Variants in CRMP1 observed in about 807,000 individuals in gnomAD.
CRMP1 encodes the protein collapsin response mediator protein 1.
Under a neutral mutation model 68.3 loss-of-function variants are expected in CRMP1, and 19 were observed. The ratio of observed to expected loss-of-function variants is 0.28; its 90% CI spans 0.19 to 0.41. The LOEUF (loss-of-function observed/expected upper bound fraction) is 0.41, where lower values mean the gene tolerates loss of function less well. CRMP1 is among the 10% of genes least tolerant of loss of function. CRMP1 has a pLI of 1.00. For missense variants in CRMP1, 791 were observed against 967.4 expected, an observed-to-expected ratio of 0.82 and a Z score of 2.42; for synonymous variants, 439 against 399.6, an observed-to-expected ratio of 1.10 and a Z score of -1.18.
Position 5,832,266 on chromosome 4 carries a change from T to A in CRMP1, c.1624-3598A>T, listed in dbSNP as rs181904195. Among the ~76,000 whole-genome samples the A allele has an allele frequency of 1.7e-3, 258 of 152,338 alleles. 2 individuals are homozygous for A. The highest frequency in any genetic ancestry group is 5.7e-3 in the African/African-American group (236 of 41,592). On this transcript the variant is annotated intron_variant, in intron 11 of 13. Transcript: ENST00000324989. ...TTATGATTGTACAACCTTCTCAATA[T>A]ACTAAAAGCCACTGAATTGTACACT... is the stretch of plus-strand genomic sequence containing the variant.
rs1334252538 is a variant in CRMP1 at position 5,834,373 on chromosome 4, A to T, written c.1623+1542T>A. Among the ~76,000 whole-genome samples the T allele has an allele frequency of 2.0e-4, 31 of 152,178 alleles. No individual in the cohort carries two copies. Among genetic ancestry groups the T allele is most frequent in the Admixed American group, 2.0e-3 (31 of 15,284 alleles). On this transcript the variant is annotated intron_variant, in intron 11 of 13. Transcript: ENST00000324989. The surrounding 1 kb of genome is among the most constrained non-coding windows in gnomAD (Gnocchi z 4.3). The stretch of plus-strand genomic sequence containing the variant: ...CTATTATCACAGGAATGAGTTAGTT[A>T]TTGTGAGACTGGGCTTGTTATAAAA...
rs2276878 is a variant in CRMP1 at position 5,856,123 on chromosome 4, G to A, written c.820+20C>T. 0.083 allele frequency: 134,034 copies of A among 1,612,128 alleles called. 6,100 individuals carry two copies. The highest frequency in any genetic ancestry group is 0.11 in the South Asian group (10,312 of 90,938). ...AGAACAAGGGATTCCCCAAAACCCC[G>A]TTCCGAGGCTTTAACTGACCTTTGT... On this transcript the variant is annotated intron_variant, in intron 4 of 13. Transcript: ENST00000324989.
Position 5,825,785 on chromosome 4 carries a change from CACACA to C in CRMP1, c.1804-131_1804-127del. ...CACTTCAAATGTGCATGCACACACA[CACACA>C]ACACGCACACACGACAGGTGCACTT... is the stretch of plus-strand genomic sequence containing the variant. On this transcript the variant is annotated intron_variant, in intron 12 of 13. Coordinates refer to ENST00000324989, the MANE Select transcript of CRMP1 (RefSeq NM_001014809.3). This position sits in a 1 kb window ranked among gnomAD's most constrained non-coding sequence, Gnocchi z 4.4. 1.2e-6 allele frequency: 1 copy of C among 869,384 alleles called. No individual in the cohort carries two copies. Among genetic ancestry groups the C allele is most frequent in the Middle Eastern group, 2.4e-4 (1 of 4,234 alleles). 53.9% of individuals were successfully genotyped at this position (869,384 alleles called of 1,614,324 possible).
chr4:5,828,439 T>A, intron 12 of CRMP1, 50 bp downstream of exon 12: 1 of 1,590,936 alleles, frequency 6.3e-7, no homozygotes. Context: ...CAAGAGACGC[T>A]GTCGGCTCTG....
chr4:5,887,044 A>G (rs1390156003), intron 1 of CRMP1, among the ~76,000 whole-genome samples: 1 of 152,130 alleles, frequency 6.6e-6, no homozygotes, highest in East Asian at 1.9e-4. Flanking sequence ...CAGGGGAGGC[A>G]GGGGGCCTGG....
intron 1 of CRMP1, among the ~76,000 whole-genome samples, chr4:5,873,355 T>A (rs1714595107): frequency 6.6e-6 from 1 of 152,164 alleles, no homozygotes; most frequent in East Asian, 1.9e-4. Context: ...ATCCTCACAA[T>A]GCCATAAAGA....
chr4:5,836,917 C>G lies in CRMP1; in HGVS notation c.1311-11G>C, dbSNP rs771797216. The G allele has an allele frequency of 1.2e-6, 2 of 1,604,064 alleles. No individual in the cohort carries two copies. Among genetic ancestry groups the G allele is most frequent in the African/African-American group, 2.7e-5 (2 of 74,594 alleles). ...ACCTGCAAGTCCCCACTGGCAAGGA[C>G]AAAACAAGGTAGAGTTCAGACCCTA... On this transcript the variant is annotated splice_polypyrimidine_tract_variant and intron_variant, in intron 9 of 13. Coordinates refer to ENST00000324989, the MANE Select transcript of CRMP1 (RefSeq NM_001014809.3).
At chr4:5,823,193 A>G (rs768526413) in intron 13 of CRMP1, among the ~76,000 whole-genome samples, 19 of 152,198 alleles carry the variant, frequency 1.2e-4, no homozygotes, top group Non-Finnish European at 2.1e-4. Flanking sequence ...TTTCTGCACA[A>G]TAAGAACAGT....
chr4:5,862,610 G>A (rs537769277), intron 2 of CRMP1, among the ~76,000 whole-genome samples: 1 of 152,176 alleles, frequency 6.6e-6, no homozygotes, highest in South Asian at 2.1e-4. Flanking sequence ...AGAGGACAGG[G>A]TCGCACCCCA....
In CRMP1 at chr4:5,825,806, A is replaced by G; in HGVS notation, c.1804-147T>C. 1.4e-6 allele frequency: 1 copy of G among 739,962 alleles called. No homozygotes were observed. Among genetic ancestry groups the G allele is most frequent in the South Asian group, 1.8e-5 (1 of 54,704 alleles). 45.8% of individuals were successfully genotyped at this position (739,962 alleles called of 1,614,324 possible). ...CACACACACAACACGCACACACGAC[A>G]GGTGCACTTCACACACATGCAGCCG... On this transcript the variant is annotated intron_variant, in intron 12 of 13. Coordinates refer to ENST00000324989, the MANE Select transcript of CRMP1 (RefSeq NM_001014809.3). The surrounding 1 kb of genome is among the most constrained non-coding windows in gnomAD (Gnocchi z 4.4).
rs1408138162 is a variant in CRMP1, at chr4:5,825,645, T to C, written c.1818A>G (p.Gln606=). Residue 606 remains glutamine, a synonymous_variant, in exon 13 of 14, where the codon CAA becomes CAG. Coordinates refer to ENST00000324989, the MANE Select transcript of CRMP1 (RefSeq NM_001014809.3). The surrounding 1 kb of genome is among the most constrained non-coding windows in gnomAD (Gnocchi z 4.4). ...VKIRNKVFGL[Q]GVSRGMYDGP... is the part of the protein sequence containing the mutation. ...CGTCATACATGCCCCTGGAAACCCCTTGCAATCCAAAAACCTAAACAGAGG... is the reference window on the plus strand; with the variant it reads ...CGTCATACATGCCCCTGGAAACCCCCTGCAATCCAAAAACCTAAACAGAGG... The C allele has an allele frequency of 1.9e-6, 3 of 1,611,904 alleles. No individual in the cohort carries two copies. Among genetic ancestry groups the C allele is most frequent in the African/African-American group, 2.7e-5 (2 of 74,772 alleles).
At chr4:5,828,811 A>C (rs1720096906) in intron 11 of CRMP1, 143 bp from the exon 12 acceptor site, 13 of 1,012,458 alleles carry the variant, frequency 1.3e-5, no homozygotes, top group Non-Finnish European at 1.7e-5. Flanking sequence ...TATTGACTGT[A>C]ATATTCCACT....
rs1032256126 is a variant in CRMP1 at position 5,838,172 on chromosome 4, A to G, written c.1311-1266T>C. ...CCATGTGGCGTCTAAGAAAGAGGGA[A>G]CTAGCCAGGGGTTCCCATGAGTGTA... On this transcript the variant is annotated intron_variant, in intron 9 of 13. Transcript: ENST00000324989. The surrounding 1 kb of genome is among the most constrained non-coding windows in gnomAD (Gnocchi z 4.9). Among the ~76,000 whole-genome samples, 1 of 152,070 alleles carries G rather than the reference A, an allele frequency of 6.6e-6. No individual in the cohort carries two copies. The highest frequency in any genetic ancestry group is 2.4e-5 in the African/African-American group (1 of 41,414).
intron 1 of CRMP1, among the ~76,000 whole-genome samples, chr4:5,884,423 A>G (rs976448172): frequency 2.6e-5 from 4 of 151,626 alleles, no homozygotes; most frequent in African/African-American, 9.7e-5. Context: ...ACATTTACAC[A>G]CCACAGACAT....
At chr4:5,880,668 C>G (rs909084906) in intron 1 of CRMP1, among the ~76,000 whole-genome samples, 5 of 152,222 alleles carry the variant, frequency 3.3e-5, no homozygotes, top group African/African-American at 1.2e-4. Flanking sequence ...CTGCCCTCTC[C>G]CCATTGTCAA....
Position 5,865,619 on chromosome 4 carries a change from C to CAA in CRMP1, c.470+1047_470+1048dup, listed in dbSNP as rs1272645571. 0.029 allele frequency among the ~76,000 whole-genome samples: 2,294 copies of CAA among 78,772 alleles called. 39 individuals are homozygous for CAA. Among genetic ancestry groups the CAA allele is most frequent in the South Asian group, 0.056 (135 of 2,404 alleles). The allele number at this position is 78,772 out of a possible 152,430, so 51.7% of individuals were successfully genotyped here. Reference sequence around the variant, plus strand: ...CTGGTGACAGAGTGAGACTCCGTCTCAAAAAAAAAAAAAAAAAAGAAGGCC... The same window carrying CAA: ...CTGGTGACAGAGTGAGACTCCGTCTCAAAAAAAAAAAAAAAAAAAAGAAGGCC... On this transcript the variant is annotated intron_variant, in intron 2 of 13. Coordinates refer to ENST00000324989, the MANE Select transcript of CRMP1 (RefSeq NM_001014809.3). This position sits in a 1 kb window ranked among gnomAD's most constrained non-coding sequence, Gnocchi z 4.1.
At chr4:5,873,894 C>T (rs1714632412) in intron 1 of CRMP1, among the ~76,000 whole-genome samples, 1 of 152,124 alleles carries the variant, frequency 6.6e-6, no homozygotes, top group Admixed American at 6.5e-5. Flanking sequence ...AAAGGGGAGT[C>T]TGGGCTCTGT....
At chr4:5,863,827 G>A (rs1052746927) in intron 2 of CRMP1, among the ~76,000 whole-genome samples, 24 of 152,264 alleles carry the variant, frequency 1.6e-4, no homozygotes, top group Admixed American at 1.6e-3. Flanking sequence ...TTGTGCCTCT[G>A]TACCCGAGGT....
intron 1 of CRMP1, among the ~76,000 whole-genome samples, chr4:5,885,101 T>C (rs1319188177): frequency 2.0e-5 from 3 of 151,910 alleles, no homozygotes; most frequent in Non-Finnish European, 4.4e-5. Context: ...CCGGCTACTA[T>C]ATTGTCTCAG....
Sources: allele counts gnomAD v4.1 joint callset (sites outside exome capture counted in the v4.1 genomes callset), GRCh38; gene constraint gnomAD v4.1.1; non-coding constraint Gnocchi (gnomAD v3.1); transcripts MANE v1.5; gene names NCBI Gene and HGNC (gene_info 2026-07-23, HGNC 2026-07-21).